VPS13D: variants seen among roughly 807,000 people sequenced by gnomAD.
VPS13D encodes intermembrane lipid transfer protein VPS13D.
VPS13D carries 187 observed loss-of-function variants against 461.9 expected under a neutral mutation model. The ratio of observed to expected loss-of-function variants is 0.40; its 90% CI spans 0.36 to 0.46. The LOEUF (loss-of-function observed/expected upper bound fraction) is 0.46. VPS13D is among the 20% of genes least tolerant of loss of function. VPS13D has a pLI of 0.60. For missense variants in VPS13D, 4,711 were observed against 5,364.9 expected (o/e 0.88, Z 3.81); for synonymous variants, 1,951 against 1,986.3 (o/e 0.98, Z 0.47).
rs1211576612 is a variant in VPS13D, at chr1:12,299,238, C to T, written c.6070C>T (p.Leu2024=). The change falls in exon 25 of 70, where the codon CTG becomes TTG. Residue 2024 remains leucine, a synonymous_variant. Transcript: ENST00000620676. The surrounding 1 kb of genome is among the most constrained non-coding windows in gnomAD (Gnocchi z 4.2). ...DQAQRCSRVL[L]DIEAGAPVLL... is the part of the protein sequence containing the mutation. Reference sequence around the variant, plus strand: ...AGCCCAGCGCTGTTCACGGGTTCTCCTGGATATTGAGGCTGGTGCTCCCGT... The same window carrying T: ...AGCCCAGCGCTGTTCACGGGTTCTCTTGGATATTGAGGCTGGTGCTCCCGT... 1 of 1,613,232 alleles carries T rather than the reference C, an allele frequency of 6.2e-7. No individual in the cohort carries two copies. The highest frequency in any genetic ancestry group is 8.5e-7 in the Non-Finnish European group (1 of 1,179,896).
At chr1:12,499,516 C>T (rs1187289410) in intron 68 of VPS13D, 4 of 985,194 alleles carry the variant, frequency 4.1e-6, no homozygotes, top group Non-Finnish European at 4.8e-6. Context: ...TAGGACTGCT[C>T]CCAGTGAGAT....
At chr1:12,292,660 A>G (rs1316315622) in intron 23 of VPS13D, among the ~76,000 whole-genome samples, 1 of 151,988 alleles carries the variant, frequency 6.6e-6, no homozygotes, top group Non-Finnish European at 1.5e-5. Flanking sequence ...GCTGGTCTCA[A>G]ACTCCTGAAC....
chr1:12,285,904 AATAAAATGATGC>A (rs1019247386), intron 21 of VPS13D, among the ~76,000 whole-genome samples: 59 of 152,238 alleles, frequency 3.9e-4, no homozygotes, highest in African/African-American at 1.3e-3. Flanking sequence ...AGGAGAATTA[AATAAAATGATGC>A]ATGAATTTCT....
chr1:12,491,780 A>G (rs1224147062), intron 67 of VPS13D, among the ~76,000 whole-genome samples: 1 of 152,196 alleles, frequency 6.6e-6, no homozygotes, highest in Non-Finnish European at 1.5e-5. Flanking sequence ...TCAAAGCTCA[A>G]GTTGGTTTGG....
rs1451682790 is a variant in VPS13D, at chr1:12,509,043, G to T, written c.*19G>T. 13 of 1,612,990 alleles carry T rather than the reference G, an allele frequency of 8.1e-6. No individual in the cohort carries two copies. The highest frequency in any genetic ancestry group is 1.1e-5 in the Non-Finnish European group (13 of 1,179,532). On this transcript the variant is annotated 3_prime_UTR_variant, in exon 70 of 70. Transcript: ENST00000620676. ...CTCCTGAAGCCCCGCTGCTGAGATG[G>T]GCGCTCCCGACACAGCGCAGACCCA...
intron 65 of VPS13D, among the ~76,000 whole-genome samples, chr1:12,439,622 A>C (rs1163122135): frequency 6.6e-6 from 1 of 152,222 alleles, no homozygotes; most frequent in Admixed American, 6.5e-5. Context: ...CACTCAGTCC[A>C]TAGTATATGT....
At chr1:12,416,603 A>G (rs545062186) in intron 64 of VPS13D, 57 bp from the exon 65 acceptor site, 6 of 1,550,472 alleles carry the variant, frequency 3.9e-6, no homozygotes, top group Admixed American at 1.9e-5. Context: ...GGACACTGGT[A>G]TCTGCAAATA....
At chr1:12,436,738 G>A (rs561315109) in intron 65 of VPS13D, among the ~76,000 whole-genome samples, 2 of 152,036 alleles carry the variant, frequency 1.3e-5, no homozygotes, top group South Asian at 2.1e-4. Flanking sequence ...GCGTGATCTC[G>A]GCTCACCGCA....
chr1:12,482,753 TGTATACATA>T lies in VPS13D; in HGVS notation c.12663-14737_12663-14729del, dbSNP rs1422111602. ...GTGTATATACACTAGTATACATATATGTATACATAGTATACATATATGTATACATAGTAT... is the reference window on the plus strand; with the variant it reads ...GTGTATATACACTAGTATACATATATGTATACATATATGTATACATAGTAT... On this transcript the variant is annotated intron_variant, in intron 67 of 69. Coordinates refer to ENST00000620676, the MANE Select transcript of VPS13D (RefSeq NM_015378.4). 5.2e-3 allele frequency among the ~76,000 whole-genome samples: 757 copies of T among 145,046 alleles called. 3 individuals are homozygous for T. Among genetic ancestry groups the T allele is most frequent in the African/African-American group, 0.019 (725 of 37,330 alleles).
At chr1:12,366,598 G>C (rs982873200) in intron 52 of VPS13D, among the ~76,000 whole-genome samples, 1 of 152,164 alleles carries the variant, frequency 6.6e-6, no homozygotes, top group African/African-American at 2.4e-5. Context: ...TGGAGGAGGA[G>C]GAGGATGATT....
intron 24 of VPS13D, among the ~76,000 whole-genome samples, chr1:12,298,422 A>G (rs554059158): frequency 2.5e-4 from 38 of 152,220 alleles, no homozygotes; most frequent in African/African-American, 8.2e-4. Context: ...GGTGGATCAC[A>G]TGAGGCCGGG....
Position 12,506,844 on chromosome 1 carries a change from G to A in VPS13D, c.12795-9G>A, listed in dbSNP as rs377485090. 87 of 1,613,022 alleles carry A rather than the reference G, an allele frequency of 5.4e-5. No homozygotes were observed. Among genetic ancestry groups the A allele is most frequent in the Non-Finnish European group, 7.0e-5 (82 of 1,179,182 alleles). ...GGTGTCACTCCTGTGTTCCCGTCTCGCTTTGCAGCTTCATCGCTGTGGAGA... is the reference window on the plus strand; with the variant it reads ...GGTGTCACTCCTGTGTTCCCGTCTCACTTTGCAGCTTCATCGCTGTGGAGA... On this transcript the variant is annotated splice_polypyrimidine_tract_variant and intron_variant, in intron 68 of 69. Coordinates refer to ENST00000620676, the MANE Select transcript of VPS13D (RefSeq NM_015378.4).
chr1:12,358,467 T>C lies in VPS13D; in HGVS notation c.10007T>C (p.Met3336Thr). The C allele has an allele frequency of 6.2e-7, 1 of 1,614,158 alleles. No individual in the cohort carries two copies. Among genetic ancestry groups the C allele is most frequent in the Non-Finnish European group, 8.5e-7 (1 of 1,179,996 alleles). The change falls in exon 50 of 70, where the codon ATG becomes ACG. Residue 3336 changes from methionine (M) to threonine (T), a missense_variant. Transcript: ENST00000620676. ...ADKEQPNLCT[M>T]RIGRGIHPEG... ...GCTTTTCTGCCCCACAGCTGCACGA[T>C]GAGAATCGGAAGGGGGATTCATCCA...
chr1:12,348,835 C>G lies in VPS13D; in HGVS notation c.9082C>G (p.Pro3028Ala). ...IHPQVYFSSL[P>A]PVRVVFAVTM... ...CGCTCTTTCACAGTTCTCTTCACTC[C>G]CACCAGTGCGGGTGGTCTTTGCAGT... The change falls in exon 45 of 70, where the codon CCA becomes GCA. Residue 3028 changes from proline to alanine, a missense_variant. This residue lies in a region of VPS13D where 4,411 missense variants were observed against 4,937.8 expected (regional missense o/e 0.89). Coordinates refer to ENST00000620676, the MANE Select transcript of VPS13D (RefSeq NM_015378.4). 1 of 1,613,984 alleles carries G rather than the reference C, an allele frequency of 6.2e-7. No homozygotes were observed.
chr1:12,466,005 C>T (rs540037671), intron 67 of VPS13D, among the ~76,000 whole-genome samples: 17 of 152,048 alleles, frequency 1.1e-4, no homozygotes, highest in East Asian at 5.8e-4. Flanking sequence ...CGTGGTGGTG[C>T]GCGCCTGTAC....
chr1:12,379,797 C>G (rs1210991983), intron 57 of VPS13D, among the ~76,000 whole-genome samples: 1 of 147,804 alleles, frequency 6.8e-6, no homozygotes, highest in East Asian at 2.0e-4. Context: ...GAGGTGGAGT[C>G]TTGCTCTGTC....
chr1:12,234,740 A>G (rs1436014840), intron 2 of VPS13D, among the ~76,000 whole-genome samples: 2 of 152,252 alleles, frequency 1.3e-5, no homozygotes, highest in African/African-American at 4.8e-5. Flanking sequence ...AATAGCTCAT[A>G]TTGAAATTCC....
At chr1:12,369,935 T>C (rs1644093951) in intron 54 of VPS13D, among the ~76,000 whole-genome samples, 1 of 152,216 alleles carries the variant, frequency 6.6e-6, no homozygotes, top group Non-Finnish European at 1.5e-5. Context: ...TAAAGATCTC[T>C]CCCAAGAATT....
intron 60 of VPS13D, among the ~76,000 whole-genome samples, chr1:12,398,232 A>G (rs1644525128): frequency 6.6e-6 from 1 of 152,212 alleles, no homozygotes; most frequent in African/African-American, 2.4e-5. Context: ...TTGTACAGAA[A>G]TGTCTATTTG....
Sources: allele counts gnomAD v4.1 joint callset (sites outside exome capture counted in the v4.1 genomes callset), GRCh38; gene constraint gnomAD v4.1.1; regional missense constraint gnomAD v4.1.1; non-coding constraint Gnocchi (gnomAD v3.1); transcripts MANE v1.5; gene names NCBI Gene and HGNC (gene_info 2026-07-23, HGNC 2026-07-21).